EPHB2: variants seen among roughly 807,000 people sequenced by gnomAD.
EPHB2 encodes EPH receptor B2.
Under a neutral mutation model 96.4 loss-of-function variants are expected in EPHB2, and 18 were observed. The observed-to-expected ratio is 0.19, with a 90% CI of 0.13 to 0.28. The LOEUF (loss-of-function observed/expected upper bound fraction) is 0.28, where lower values mean the gene tolerates loss of function less well. EPHB2 is among the 10% of genes least tolerant of loss of function. EPHB2 has a pLI of 1.00. For missense variants in EPHB2, 989 were observed against 1,355.4 expected (o/e 0.73, Z 4.25); for synonymous variants, 506 against 534.1 (o/e 0.95, Z 0.72).
intron 3 of EPHB2, among the ~76,000 whole-genome samples, chr1:22,837,403 A>G (rs1266763725): frequency 6.6e-6 from 1 of 152,100 alleles, no homozygotes; most frequent in African/African-American, 2.4e-5. Context: ...TGTGATGTTT[A>G]CAGAGTCACA....
intron 3 of EPHB2, among the ~76,000 whole-genome samples, chr1:22,852,995 A>G (rs1645645339): frequency 6.6e-6 from 1 of 152,214 alleles, no homozygotes; most frequent in Non-Finnish European, 1.5e-5. Context: ...AGCTCAGAGG[A>G]TTCCAGAGGC....
intron 5 of EPHB2, among the ~76,000 whole-genome samples, chr1:22,871,419 C>T (rs1410263541): frequency 2.6e-5 from 4 of 152,202 alleles, no homozygotes; most frequent in African/African-American, 9.6e-5. Flanking sequence ...GAAAGGGCAT[C>T]AGAGCGGGGC....
chr1:22,783,915 G>T (rs976298479), intron 2 of EPHB2, among the ~76,000 whole-genome samples: 1 of 152,158 alleles, frequency 6.6e-6, no homozygotes, highest in African/African-American at 2.4e-5. Context: ...TGAGGATGAG[G>T]ACTGTCTTCC....
At chr1:22,908,204 C>T (rs778363257) in intron 12 of EPHB2, 36 bp downstream of exon 12, 8 of 1,611,210 alleles carry the variant, frequency 5.0e-6, no homozygotes, top group East Asian at 2.2e-5. Flanking sequence ...AGTCACAGAG[C>T]CAGAGAAGAG....
rs543488301 is a variant in EPHB2, at chr1:22,833,220, C to T, written c.812-29817C>T. On this transcript the variant is annotated intron_variant, in intron 3 of 15. Transcript: ENST00000374630. The stretch of plus-strand genomic sequence containing the variant: ...GCAACCTCTGCCTCCCAGGTTCCAG[C>T]GATTCTCCTGCCTTCAGCCTCCTGA... Among the ~76,000 whole-genome samples the T allele has an allele frequency of 5.9e-5, 9 of 152,194 alleles. No individual in the cohort carries two copies. In the South Asian group the frequency reaches 1.2e-3, roughly 21 times the overall value.
At chr1:22,814,774 A>G (rs1447043221) in intron 3 of EPHB2, among the ~76,000 whole-genome samples, 1 of 152,214 alleles carries the variant, frequency 6.6e-6, no homozygotes, top group East Asian at 1.9e-4. Flanking sequence ...CCAGTGGCCC[A>G]GGAGCTATGT....
rs190995508 is a variant in EPHB2, at chr1:22,773,529, G to A, written c.62-7892G>A. On this transcript the variant is annotated intron_variant, in intron 1 of 15. Coordinates refer to ENST00000374630, the MANE Select transcript of EPHB2 (RefSeq NM_017449.5). ...CTGGTCAGTCTGTAGGCGAAGACCC[G>A]TGGGTGTAGCTATGAGGTGTCTGTT... is the stretch of plus-strand genomic sequence containing the variant. Among the ~76,000 whole-genome samples the A allele has an allele frequency of 1.9e-3, 286 of 152,324 alleles. 2 individuals carry two copies. The highest frequency in any genetic ancestry group is 6.6e-3 in the African/African-American group (274 of 41,572).
intron 1 of EPHB2, among the ~76,000 whole-genome samples, chr1:22,721,602 G>A (rs898023588): frequency 9.2e-5 from 14 of 152,124 alleles, no homozygotes; most frequent in African/African-American, 2.9e-4. Context: ...CTTCTGATTT[G>A]CAAAGTTCTT....
At chr1:22,838,287 A>T (rs1645413611) in intron 3 of EPHB2, among the ~76,000 whole-genome samples, 1 of 152,228 alleles carries the variant, frequency 6.6e-6, no homozygotes, top group Admixed American at 6.5e-5. Context: ...AAAATGCAAT[A>T]AGGTTGGTGA....
In EPHB2 at chr1:22,784,529, G is replaced by A; in HGVS notation, c.264G>A (p.Val88=). The A allele has an allele frequency of 6.2e-7, 1 of 1,613,922 alleles. No individual in the cohort carries two copies. Among genetic ancestry groups the A allele is most frequent in the Non-Finnish European group, 8.5e-7 (1 of 1,179,798 alleles). The change falls in exon 3 of 16, where the codon GTG becomes GTA. Residue 88 remains valine, a synonymous_variant. Coordinates refer to ENST00000374630, the MANE Select transcript of EPHB2 (RefSeq NM_017449.5). The surrounding 1 kb of genome is among the most constrained non-coding windows in gnomAD (Gnocchi z 5.1). ...IRRRGAHRIH[V]EMKFSVRDCS... is the part of the protein sequence containing the mutation. ...GCCGTGGCGCCCACCGCATCCACGT[G>A]GAGATGAAGTTTTCGGTGCGTGACT...
intron 9 of EPHB2, among the ~76,000 whole-genome samples, chr1:22,905,117 C>T (rs1639868563): frequency 6.6e-6 from 1 of 152,166 alleles, no homozygotes; most frequent in African/African-American, 2.4e-5. Flanking sequence ...TCCCTTCTTT[C>T]AAAGCATTTT....
At chr1:22,753,026 C>T (rs1028433763) in intron 1 of EPHB2, among the ~76,000 whole-genome samples, 1 of 152,130 alleles carries the variant, frequency 6.6e-6, no homozygotes, top group Non-Finnish European at 1.5e-5. Context: ...AGTGATCCTC[C>T]TGTCTTGGCC....
chr1:22,765,513 C>T (rs1408356922), intron 1 of EPHB2, among the ~76,000 whole-genome samples: 2 of 149,174 alleles, frequency 1.3e-5, no homozygotes, highest in Admixed American at 6.7e-5. Flanking sequence ...CGCCACTGCA[C>T]TCCGGCCTGG....
At chr1:22,725,298 A>G (rs1471599305) in intron 1 of EPHB2, among the ~76,000 whole-genome samples, 3 of 151,996 alleles carry the variant, frequency 2.0e-5, no homozygotes, top group Non-Finnish European at 4.4e-5. Flanking sequence ...AATGACGGGC[A>G]GGTTGATGGT....
chr1:22,859,421 C>A (rs1372824915), intron 3 of EPHB2, among the ~76,000 whole-genome samples: 1 of 151,956 alleles, frequency 6.6e-6, no homozygotes, highest in African/African-American at 2.4e-5. Context: ...CCCATGTCTG[C>A]TTGGGGAGCT....
Position 22,784,362 on chromosome 1 carries a change from C to T in EPHB2, c.127-30C>T, listed in dbSNP as rs1320811786. On this transcript the variant is annotated intron_variant, in intron 2 of 15. Coordinates refer to ENST00000374630, the MANE Select transcript of EPHB2 (RefSeq NM_017449.5). The surrounding 1 kb of genome is among the most constrained non-coding windows in gnomAD (Gnocchi z 5.1). ...GTGTGTGCTGGGGCTGAGCCCTTACCTCCCCACCTGACGAGCATTTTACCC... is the reference window on the plus strand; with the variant it reads ...GTGTGTGCTGGGGCTGAGCCCTTACTTCCCCACCTGACGAGCATTTTACCC... 1.9e-6 allele frequency: 3 copies of T among 1,611,070 alleles called. No individual in the cohort carries two copies. In the African/African-American group the frequency reaches 4.0e-5, roughly 22 times the overall value.
intron 1 of EPHB2, among the ~76,000 whole-genome samples, chr1:22,757,736 C>CACCTATAGTCCCAGCTACTTGGG (rs1644173018): frequency 6.6e-6 from 1 of 152,072 alleles, no homozygotes; most frequent in Non-Finnish European, 1.5e-5. Context: ...TGCTGGCACA[C>CACCTATAGTCCCAGCTACTTGGG]ACCTATAGTC....
intron 14 of EPHB2, 117 bp downstream of exon 14, chr1:22,910,692 G>A: frequency 7.5e-7 from 1 of 1,332,016 alleles, no homozygotes; most frequent in African/African-American, 1.5e-5. Flanking sequence ...GATGGGGAAG[G>A]ACAGGACTAG....
intron 7 of EPHB2, 66 bp from the exon 8 acceptor site, chr1:22,895,406 T>G (rs1570450751): frequency 6.8e-7 from 1 of 1,469,598 alleles, no homozygotes. Flanking sequence ...TGGCAGGGGG[T>G]AGGGGACAAG....
Sources: gnomAD v4.1 joint callset for allele counts (sites outside exome capture counted in the v4.1 genomes callset) on GRCh38, gnomAD v4.1.1 for gene constraint, Gnocchi (gnomAD v3.1) non-coding constraint, MANE v1.5 for transcripts, NCBI Gene and HGNC (gene_info 2026-07-23, HGNC 2026-07-21) for gene names.